DPF3: variants seen among roughly 807,000 people sequenced by gnomAD.
DPF3 encodes the protein zinc finger protein DPF3.
Under a neutral mutation model 56.8 loss-of-function variants are expected in DPF3, and 18 were observed. The ratio of observed to expected loss-of-function variants is 0.32; its 90% CI spans 0.22 to 0.47. The LOEUF is 0.47. Ranked by LOEUF, DPF3 falls within the 20% of genes least tolerant of loss-of-function variation. The probability of loss-of-function intolerance (pLI) is 1.00; values close to 1 mark genes in which losing one functional copy is unlikely to be tolerated. For missense variants in DPF3, 403 were observed against 488.8 expected (o/e 0.82, Z 1.65); for synonymous variants, 188 against 180.2 (o/e 1.04, Z -0.35).
chr14:72,805,411 G>A (rs999732940), intron 1 of DPF3, among the ~76,000 whole-genome samples: 4 of 151,912 alleles, frequency 2.6e-5, no homozygotes, highest in South Asian at 4.2e-4. Context: ...CAGAGGTTGC[G>A]GTGATCTGAG....
At chr14:72,752,545 C>T (rs577572858) in intron 3 of DPF3, among the ~76,000 whole-genome samples, 7 of 152,138 alleles carry the variant, frequency 4.6e-5, no homozygotes, top group Non-Finnish European at 7.3e-5. Context: ...CATTTGTAAT[C>T]CCAGCTACTC....
intron 3 of DPF3, among the ~76,000 whole-genome samples, chr14:72,733,817 G>A (rs1233283067): frequency 6.6e-6 from 1 of 152,170 alleles, no homozygotes; most frequent in Non-Finnish European, 1.5e-5. Context: ...CAGAAACAGA[G>A]GGAGTCTGAC....
chr14:72,771,929 G>A (rs1437308479), intron 1 of DPF3, 36 bp from the exon 2 acceptor site: 3 of 1,485,266 alleles, frequency 2.0e-6, no homozygotes, highest in Non-Finnish European at 2.7e-6. Context: ...TGAGGCCAGG[G>A]AAGACTGAAA....
chr14:72,882,773 C>G lies in DPF3; in HGVS notation c.32+11284G>C, dbSNP rs1188497990. Among the ~76,000 whole-genome samples, 7 of 152,294 alleles carry G rather than the reference C, an allele frequency of 4.6e-5. No homozygotes were observed. The East Asian group carries it at 1.4e-3, about 29-fold the overall frequency. The stretch of plus-strand genomic sequence containing the variant: ...ACTGCCCCATCCACCCTGCCCTCCC[C>G]CTATCACCAGCACCGCGTTGCCGCC... On this transcript the variant is annotated intron_variant, in intron 1 of 10. Transcript: ENST00000556509.
intron 6 of DPF3, among the ~76,000 whole-genome samples, chr14:72,699,530 A>G (rs1026950381): frequency 3.0e-4 from 46 of 151,968 alleles, no homozygotes; most frequent in African/African-American, 1.1e-3. Context: ...AAAAAAAAAA[A>G]AAAAAAAAAA....
At chr14:72,712,864 G>T (rs528560350) in intron 6 of DPF3, among the ~76,000 whole-genome samples, 1 of 152,352 alleles carries the variant, frequency 6.6e-6, no homozygotes, top group East Asian at 1.9e-4. Flanking sequence ...GACAACGCAA[G>T]AGCGTCTCTT....
At chr14:72,663,204 C>CAAAAAAAA (rs1886299265) in intron 8 of DPF3, among the ~76,000 whole-genome samples, 1 of 147,322 alleles carries the variant, frequency 6.8e-6, no homozygotes, top group African/African-American at 2.5e-5. Context: ...ACTTAGAAAC[C>CAAAAAAAA]AAACAAACTG....
At chr14:72,758,336 A>T (rs1470974350) in intron 2 of DPF3, among the ~76,000 whole-genome samples, 5 of 152,196 alleles carry the variant, frequency 3.3e-5, no homozygotes, top group Non-Finnish European at 7.4e-5. Flanking sequence ...TGATTGCCCC[A>T]GCTTACAGCC....
intron 7 of DPF3, among the ~76,000 whole-genome samples, chr14:72,681,006 C>T (rs780257535): frequency 1.1e-4 from 17 of 152,224 alleles, no homozygotes; most frequent in Non-Finnish European, 7.3e-5. Context: ...ATGTAAATGC[C>T]TCTTTGCCTG....
intron 1 of DPF3, among the ~76,000 whole-genome samples, chr14:72,825,412 A>G (rs1356201652): frequency 1.7e-4 from 26 of 152,168 alleles, no homozygotes; most frequent in Non-Finnish European, 3.7e-4. Flanking sequence ...TTGCTCAACA[A>G]CCATGTGAGT....
chr14:72,891,171 C>T (rs1221718192), intron 1 of DPF3, among the ~76,000 whole-genome samples: 2 of 152,210 alleles, frequency 1.3e-5, no homozygotes, highest in African/African-American at 2.4e-5. Flanking sequence ...AGCCCATACT[C>T]AGCGTAGGCA....
intron 1 of DPF3, among the ~76,000 whole-genome samples, chr14:72,858,281 C>T (rs1382024614): frequency 7.1e-6 from 1 of 140,732 alleles, no homozygotes; most frequent in Non-Finnish European, 1.5e-5. Flanking sequence ...GCACTCCAGC[C>T]TGGGTGACAG....
chr14:72,851,276 C>T (rs1417988270), intron 1 of DPF3, among the ~76,000 whole-genome samples: 1 of 152,166 alleles, frequency 6.6e-6, no homozygotes, highest in African/African-American at 2.4e-5. Context: ...GCTGGCTTTG[C>T]CTTCCAGCCT....
At chr14:72,797,569 A>G (rs1382916028) in intron 1 of DPF3, among the ~76,000 whole-genome samples, 2 of 152,212 alleles carry the variant, frequency 1.3e-5, no homozygotes, top group Admixed American at 6.5e-5. Context: ...ATGCTGGAAA[A>G]CTGAAATCAT....
At chr14:72,659,587 C>T (rs768918743) in intron 8 of DPF3, among the ~76,000 whole-genome samples, 3 of 152,110 alleles carry the variant, frequency 2.0e-5, no homozygotes, top group African/African-American at 4.8e-5. Context: ...AAAGAAAGCC[C>T]GAGTCATGAG....
At chr14:72,852,881 T>C (rs894433901) in intron 1 of DPF3, among the ~76,000 whole-genome samples, 1 of 152,226 alleles carries the variant, frequency 6.6e-6, no homozygotes, top group African/African-American at 2.4e-5. Flanking sequence ...TATAGGTTTA[T>C]TGGAGACATT....
chr14:72,673,316 T>C (rs901389974), intron 8 of DPF3, among the ~76,000 whole-genome samples: 1 of 152,168 alleles, frequency 6.6e-6, no homozygotes. Context: ...AAATGACTCC[T>C]CATTGCTGGA....
At chr14:72,729,781 A>T (rs1889561345) in intron 4 of DPF3, among the ~76,000 whole-genome samples, 2 of 152,146 alleles carry the variant, frequency 1.3e-5, no homozygotes, top group South Asian at 4.1e-4. Flanking sequence ...GGAGGGAGGG[A>T]TGAACAGGTG....
chr14:72,672,636 G>T (rs1377539921), intron 8 of DPF3, among the ~76,000 whole-genome samples: 1 of 152,178 alleles, frequency 6.6e-6, no homozygotes, highest in Non-Finnish European at 1.5e-5. Flanking sequence ...AAAGCTGAGG[G>T]AAGGTTGTGG....
Sources: allele counts gnomAD v4.1 joint callset (sites outside exome capture counted in the v4.1 genomes callset), GRCh38; gene constraint gnomAD v4.1.1; transcripts MANE v1.5; gene names NCBI Gene and HGNC (gene_info 2026-07-23, HGNC 2026-07-21).